The following CTNNA3 variants were observed in gnomAD, a reference collection of about 807,000 sequenced individuals.
CTNNA3 encodes the protein catenin alpha 3, also known as catenin alpha-3.
Under a neutral mutation model 95.7 loss-of-function variants are expected in CTNNA3, and 76 were observed. The observed-to-expected ratio is 0.79, with a 90% CI of 0.66 to 0.96. The LOEUF is 0.96. CTNNA3 is among the 40% of genes least tolerant of loss of function. CTNNA3 has a pLI of 0.00. For synonymous variants in CTNNA3, 431 were observed against 374.4 expected (o/e 1.15, Z -1.74); for missense variants, 1,191 against 1,089.8 (o/e 1.09, Z -1.31).
At chr10:66,160,740 T>A (rs1286143089) in intron 13 of CTNNA3, among the ~76,000 whole-genome samples, 4 of 152,192 alleles carry the variant, frequency 2.6e-5, no homozygotes, top group Non-Finnish European at 1.5e-5. Flanking sequence ...CTTTGTTGAT[T>A]TTCTGTCTTG....
chr10:67,524,395 C>CAAAAAAA (rs200850487), intron 4 of CTNNA3, among the ~76,000 whole-genome samples: 84 of 70,224 alleles, frequency 1.2e-3, no homozygotes, highest in Non-Finnish European at 2.0e-3. Context: ...GACTCTGTCT[C>CAAAAAAA]AAAAAAAAAA....
rs2132599014 is a variant in CTNNA3, at chr10:66,709,293, C to T, written c.1281+56971G>A. On this transcript the variant is annotated intron_variant, in intron 9 of 17. Coordinates refer to ENST00000433211, the MANE Select transcript of CTNNA3 (RefSeq NM_013266.4). ...TGGATGTGGCACAGGAAAATGAATC[C>T]CATCTTCCAAAAGGGGCCTTGACAT... Among the ~76,000 whole-genome samples the T allele has an allele frequency of 2.0e-5, 3 of 152,072 alleles. No individual in the cohort carries two copies. The East Asian group carries it at 5.8e-4, about 29-fold the overall frequency.
At chr10:66,258,136 A>G (rs2090861466) in intron 13 of CTNNA3, among the ~76,000 whole-genome samples, 1 of 152,206 alleles carries the variant, frequency 6.6e-6, no homozygotes, top group Non-Finnish European at 1.5e-5. Context: ...TCTCCAAGAC[A>G]GCAATCTACT....
intron 15 of CTNNA3, among the ~76,000 whole-genome samples, chr10:66,014,548 G>A (rs868406680): frequency 7.2e-5 from 11 of 152,140 alleles, no homozygotes; most frequent in Middle Eastern, 3.2e-3. Flanking sequence ...CTGCCTTTTA[G>A]TAAATGCTTT....
chr10:65,966,517 T>A (rs1452383756), intron 17 of CTNNA3, 95 bp downstream of exon 17: 13 of 1,092,174 alleles, frequency 1.2e-5, no homozygotes, highest in Non-Finnish European at 1.2e-5. Context: ...CTAAACTAAT[T>A]TTACCTAAAA....
At chr10:66,342,941 TG>T (rs766819190) in intron 12 of CTNNA3, among the ~76,000 whole-genome samples, 58 of 152,142 alleles carry the variant, frequency 3.8e-4, no homozygotes, top group Non-Finnish European at 2.4e-4. Context: ...ATCTTTTCAT[TG>T]TTTTATTTAA....
chr10:66,957,597 T>C (rs1589491748), intron 7 of CTNNA3, among the ~76,000 whole-genome samples: 1 of 151,698 alleles, frequency 6.6e-6, no homozygotes, highest in African/African-American at 2.4e-5. Flanking sequence ...TGTGCCAGTC[T>C]GGATTCTGTC....
chr10:65,916,516 AG>A lies in CTNNA3; in HGVS notation c.*3813del, dbSNP rs2077009896. The A allele has an allele frequency of 6.6e-6, 1 of 152,192 alleles. No homozygotes were observed. The highest frequency in any genetic ancestry group is 2.1e-4 in the South Asian group (1 of 4,836). 9.4% of individuals were successfully genotyped at this position (152,192 alleles called of 1,614,324 possible). A position where few individuals can be genotyped will look rare whatever the true frequency, so the allele number is the denominator to read the frequency against. On this transcript the variant is annotated 3_prime_UTR_variant, in exon 18 of 18. Coordinates refer to ENST00000433211, the MANE Select transcript of CTNNA3 (RefSeq NM_013266.4). The stretch of plus-strand genomic sequence containing the variant: ...ATACTACCACTATACAAAAATCTGT[AG>A]CCATGGGAACCACAATCTCTAGGAC...
rs935786755 is a variant in CTNNA3 at position 67,424,302 on chromosome 10, T to A, written c.579+97540A>T. Among the ~76,000 whole-genome samples, 4 of 152,216 alleles carry A rather than the reference T, an allele frequency of 2.6e-5. No individual in the cohort carries two copies. The East Asian group carries it at 5.8e-4, about 22-fold the overall frequency. On this transcript the variant is annotated intron_variant, in intron 5 of 17. Coordinates refer to ENST00000433211, the MANE Select transcript of CTNNA3 (RefSeq NM_013266.4). Reference sequence around the variant, plus strand: ...ATTCTTCAACAGGCTTTCAATTCAATCCTCTTGTCATTGTAACAAAACAGC... The same window carrying A: ...ATTCTTCAACAGGCTTTCAATTCAAACCTCTTGTCATTGTAACAAAACAGC...
At chr10:66,054,817 A>C (rs1305701241) in intron 15 of CTNNA3, among the ~76,000 whole-genome samples, 1 of 152,170 alleles carries the variant, frequency 6.6e-6, no homozygotes, top group African/African-American at 2.4e-5. Flanking sequence ...AATGTCCTGA[A>C]GTTTTTCCCC....
chr10:67,250,630 GTA>G (rs1051279159), intron 5 of CTNNA3, among the ~76,000 whole-genome samples: 10 of 152,080 alleles, frequency 6.6e-5, no homozygotes, highest in African/African-American at 2.4e-4. Flanking sequence ...AGGGATGCCT[GTA>G]TATTTCAGCC....
At chr10:67,184,862 G>T (rs1862757648) in intron 6 of CTNNA3, among the ~76,000 whole-genome samples, 1 of 152,134 alleles carries the variant, frequency 6.6e-6, no homozygotes, top group Non-Finnish European at 1.5e-5. Flanking sequence ...TCTTCAAACT[G>T]ATGTTTTATC....
intron 11 of CTNNA3, among the ~76,000 whole-genome samples, chr10:66,514,864 G>T (rs996862152): frequency 2.0e-5 from 3 of 152,164 alleles, no homozygotes; most frequent in South Asian, 2.1e-4. Flanking sequence ...TATGCAAACT[G>T]ACCTCTGAAA....
chr10:66,133,469 C>T (rs553365902), intron 13 of CTNNA3, among the ~76,000 whole-genome samples: 3 of 151,112 alleles, frequency 2.0e-5, no homozygotes, highest in Non-Finnish European at 4.4e-5. Flanking sequence ...GCCGAGATCA[C>T]GCCATTGCAC....
chr10:66,609,868 G>T (rs557273440), intron 10 of CTNNA3, among the ~76,000 whole-genome samples: 2 of 152,198 alleles, frequency 1.3e-5, no homozygotes, highest in South Asian at 4.2e-4. Flanking sequence ...TCAATTGGCA[G>T]ACTGCATAAA....
intron 11 of CTNNA3, among the ~76,000 whole-genome samples, chr10:66,393,031 C>T (rs549191867): frequency 5.9e-5 from 9 of 152,118 alleles, no homozygotes; most frequent in Middle Eastern, 3.4e-3. Context: ...TAAACTGGAA[C>T]GCTCAGTCAA....
intron 7 of CTNNA3, among the ~76,000 whole-genome samples, chr10:67,076,547 C>A (rs1925605): frequency 0.51 from 77,981 of 152,018 alleles, 20,485 homozygotes; most frequent in Middle Eastern, 0.64. Flanking sequence ...TTCATTTGAG[C>A]ACATAGAGAA....
At chr10:66,568,449 A>G (rs1842776992) in intron 10 of CTNNA3, among the ~76,000 whole-genome samples, 1 of 152,078 alleles carries the variant, frequency 6.6e-6, no homozygotes. Flanking sequence ...ACATTAACTA[A>G]GTTCTGACAC....
intron 13 of CTNNA3, among the ~76,000 whole-genome samples, chr10:66,167,269 G>A (rs545844513): frequency 6.6e-6 from 1 of 151,974 alleles, no homozygotes; most frequent in Non-Finnish European, 1.5e-5. Flanking sequence ...TTAAAAGGAG[G>A]CAAATAGAAA....
Sources: gnomAD v4.1 joint callset for allele counts (sites outside exome capture counted in the v4.1 genomes callset) on GRCh38, gnomAD v4.1.1 for gene constraint, MANE v1.5 for transcripts, NCBI Gene and HGNC (gene_info 2026-07-23, HGNC 2026-07-21) for gene names.